Variants in POR observed in about 807,000 individuals in gnomAD.
The protein encoded by POR is cytochrome p450 oxidoreductase.
POR carries 56 observed loss-of-function variants against 84.0 expected under a neutral mutation model. That is an observed-to-expected ratio of 0.67 (90% CI 0.54 to 0.83). The LOEUF (loss-of-function observed/expected upper bound fraction) is 0.83. POR is among the 40% of genes least tolerant of loss of function. The pLI, the probability that POR is intolerant of heterozygous loss-of-function variation, is 0.00. For missense variants in POR, 938 were observed against 944.3 expected, an observed-to-expected ratio of 0.99 and a Z score of 0.09; for synonymous variants, 414 against 400.5, an observed-to-expected ratio of 1.03 and a Z score of -0.40.
At chr7:75,929,454 A>G (rs1807305690) in intron 1 of POR, among the ~76,000 whole-genome samples, 2 of 152,068 alleles carry the variant, frequency 1.3e-5, no homozygotes, top group Non-Finnish European at 2.9e-5. Context: ...TAGTTTCACC[A>G]TGTTGGCCAG....
At chr7:75,946,910 A>G (rs1352907524) in intron 1 of POR, 1 of 152,232 alleles carries the variant, frequency 6.6e-6, no homozygotes, top group African/African-American at 2.4e-5. Context: ...GAGTTTTCCC[A>G]TCAGAGTATT....
chr7:75,933,281 T>C (rs1554550357), intron 1 of POR, among the ~76,000 whole-genome samples: 2 of 152,028 alleles, frequency 1.3e-5, no homozygotes, highest in Non-Finnish European at 2.9e-5. Context: ...ACACCTTTTT[T>C]TGTGGTGAGA....
At chr7:75,979,852 C>T (rs1447807719) in intron 4 of POR, 10 of 447,710 alleles carry the variant, frequency 2.2e-5, no homozygotes, top group Non-Finnish European at 3.3e-5. Context: ...GCCGCCACAT[C>T]TCCCAAACCA....
chr7:75,972,848 A>C, intron 3 of POR: 2 of 290,038 alleles, frequency 6.9e-6, no homozygotes, highest in South Asian at 3.1e-5. Flanking sequence ...TTTGAGATGG[A>C]ATCTCGCTCT....
intron 1 of POR, among the ~76,000 whole-genome samples, chr7:75,933,378 T>G (rs1169137389): frequency 9.1e-5 from 6 of 65,592 alleles, no homozygotes; most frequent in South Asian, 1.1e-3. Context: ...AGGTCTTTGT[T>G]TTTTTTTTTT....
intron 1 of POR, among the ~76,000 whole-genome samples, chr7:75,923,935 C>T (rs141321323): frequency 6.6e-5 from 10 of 151,848 alleles, no homozygotes; most frequent in East Asian, 3.9e-4. Flanking sequence ...ACGTTCATGG[C>T]GGCACCTCTC....
chr7:75,981,873 T>C (rs1563431406), intron 7 of POR: 1 of 576,820 alleles, frequency 1.7e-6, no homozygotes, highest in Non-Finnish European at 3.1e-6. Context: ...AAAGGGCTCA[T>C]TTCCTTAAAA....
At chr7:75,962,933 C>T (rs1788005714) in intron 2 of POR, among the ~76,000 whole-genome samples, 1 of 152,204 alleles carries the variant, frequency 6.6e-6, no homozygotes, top group African/African-American at 2.4e-5. Flanking sequence ...TTCCTTGAAA[C>T]ATCATTTGTA....
At chr7:75,919,897 G>T (rs1203354485) in intron 1 of POR, among the ~76,000 whole-genome samples, 1 of 151,992 alleles carries the variant, frequency 6.6e-6, no homozygotes, top group African/African-American at 2.4e-5. Flanking sequence ...GTGCTGGAGG[G>T]TGTGGCATTC....
chr7:75,983,667 C>G (rs781959709), intron 9 of POR, 31 bp downstream of exon 9: 2 of 1,608,936 alleles, frequency 1.2e-6, no homozygotes, highest in African/African-American at 2.7e-5. Context: ...CCCCTGAACC[C>G]TCACTCTGGG....
chr7:75,921,787 A>G (rs1439854814), intron 1 of POR, among the ~76,000 whole-genome samples: 5 of 151,534 alleles, frequency 3.3e-5, no homozygotes, highest in East Asian at 1.9e-4. Flanking sequence ...GCTCACTGCA[A>G]CCTCCACCTG....
intron 7 of POR, 82 bp from the exon 8 acceptor site, chr7:75,982,142 G>T: frequency 9.7e-7 from 1 of 1,030,594 alleles, no homozygotes; most frequent in Non-Finnish European, 1.5e-6. Flanking sequence ...GGCCATGCAC[G>T]GTCTCCCCTG....
intron 1 of POR, among the ~76,000 whole-genome samples, chr7:75,949,429 C>T (rs1461970320): frequency 6.6e-6 from 1 of 151,856 alleles, no homozygotes; most frequent in Non-Finnish European, 1.5e-5. Flanking sequence ...GATGGGATTA[C>T]AGGCGTGAGC....
chr7:75,938,567 G>T (rs1807813761), intron 1 of POR, among the ~76,000 whole-genome samples: 1 of 152,114 alleles, frequency 6.6e-6, no homozygotes. Context: ...AGACCAGCCT[G>T]GGCAACTTAG....
At chr7:75,981,424 G>A in intron 6 of POR, 93 bp from the exon 7 acceptor site, 1 of 1,322,734 alleles carries the variant, frequency 7.6e-7, no homozygotes. Context: ...CTGAGCTTTG[G>A]GGATGGGGTG....
chr7:75,936,805 T>C (rs964726980), intron 1 of POR, among the ~76,000 whole-genome samples: 12 of 150,664 alleles, frequency 8.0e-5, no homozygotes, highest in Admixed American at 4.6e-4. Flanking sequence ...CCTGGCTCTG[T>C]TTCTCTTATT....
chr7:75,930,669 T>C (rs1807369380), intron 1 of POR, among the ~76,000 whole-genome samples: 1 of 151,964 alleles, frequency 6.6e-6, no homozygotes, highest in Non-Finnish European at 1.5e-5. Context: ...ATTACAAGCA[T>C]GTGCCACCAC....
Position 75,930,604 on chromosome 7 carries a change from C to G in POR, c.-5+15425C>G, listed in dbSNP as rs373137186. On this transcript the variant is annotated intron_variant, in intron 1 of 15. Coordinates refer to ENST00000461988, the MANE Select transcript of POR (RefSeq NM_000941.3). ...GTGGCACGATCTTGGCTCACTGCAG[C>G]CTCCACCTCCCGGGTTCAAGTGATT... 3.9e-3 allele frequency among the ~76,000 whole-genome samples: 589 copies of G among 152,252 alleles called. 3 individuals are homozygous for G. The highest frequency in any genetic ancestry group is 0.011 in the African/African-American group (477 of 41,554).
At chr7:75,980,122 G>A (rs900636486) in intron 4 of POR, among the ~76,000 whole-genome samples, 13 of 152,068 alleles carry the variant, frequency 8.5e-5, no homozygotes, top group Non-Finnish European at 7.4e-5. Context: ...CATCCTCTCC[G>A]CTCCAGCCTA....
Sources: gnomAD v4.1 joint callset for allele counts (sites outside exome capture counted in the v4.1 genomes callset) on GRCh38, gnomAD v4.1.1 for gene constraint, MANE v1.5 for transcripts, NCBI Gene and HGNC (gene_info 2026-07-23, HGNC 2026-07-21) for gene names.